The following FAM83D variants were observed in gnomAD, a reference collection of about 807,000 sequenced individuals.
The protein encoded by FAM83D is protein FAM83D.
FAM83D carries 26 observed loss-of-function variants against 25.4 expected under a neutral mutation model. The ratio of observed to expected loss-of-function variants is 1.02; its 90% confidence interval spans 0.75 to 1.42. FAM83D has a LOEUF of 1.42. FAM83D is among the 40% of genes most tolerant of loss of function. The pLI, the probability that FAM83D is intolerant of heterozygous loss-of-function variation, is 0.00. For missense variants in FAM83D, 740 were observed against 758.1 expected, an observed-to-expected ratio of 0.98 and a Z score of 0.28; for synonymous variants, 310 against 318.5, an observed-to-expected ratio of 0.97 and a Z score of 0.28.
At chr20:38,929,829 A>G (rs2085651794) in intron 1 of FAM83D, among the ~76,000 whole-genome samples, 1 of 151,660 alleles carries the variant, frequency 6.6e-6, no homozygotes, top group South Asian at 2.1e-4. Flanking sequence ...TCTGTTTGCC[A>G]GGCACTGTTC....
chr20:38,928,323 C>G (rs1038667234), intron 1 of FAM83D, among the ~76,000 whole-genome samples: 5 of 152,166 alleles, frequency 3.3e-5, no homozygotes, highest in Admixed American at 6.6e-5. Flanking sequence ...AATGTTCTTT[C>G]CCTGACTGGT....
At chr20:38,943,754 G>A (rs557401190) in intron 2 of FAM83D, among the ~76,000 whole-genome samples, 1 of 152,166 alleles carries the variant, frequency 6.6e-6, no homozygotes, top group African/African-American at 2.4e-5. Context: ...GCAGTGGCAC[G>A]ATCTCAGCTC....
intron 2 of FAM83D, 140 bp downstream of exon 2, chr20:38,942,266 A>T: frequency 1.1e-6 from 1 of 880,620 alleles, no homozygotes; most frequent in Non-Finnish European, 1.8e-6. Flanking sequence ...GCCTGGTCTT[A>T]CAGAAAACAA....
intron 1 of FAM83D, among the ~76,000 whole-genome samples, chr20:38,939,285 G>A (rs560096939): frequency 6.6e-6 from 1 of 152,294 alleles, no homozygotes; most frequent in East Asian, 1.9e-4. Flanking sequence ...TATCTGGTAA[G>A]CATTTGAGTA....
chr20:38,945,730 G>GC (rs1482152635), intron 2 of FAM83D, among the ~76,000 whole-genome samples: 321 of 99,876 alleles, frequency 3.2e-3, no homozygotes, highest in African/African-American at 5.6e-3. Context: ...GTCTTGACCT[G>GC]CCCCCACCCC....
At position 38,937,287 on chromosome 20, in the gene FAM83D, G is replaced by A. The variant is rs2085682964; in HGVS notation, c.484-4672G>A. 1.3e-5 allele frequency among the ~76,000 whole-genome samples: 2 copies of A among 152,232 alleles called. 1 individual carries two copies. The highest frequency in any genetic ancestry group is 4.1e-4 in the South Asian group (2 of 4,834). On this transcript the variant is annotated intron_variant, in intron 1 of 3. Coordinates refer to ENST00000619850, the MANE Select transcript of FAM83D (RefSeq NM_030919.3). ...CACAGACTGGGAGAGTGCCATGACT[G>A]TGGGCACTTGATGTGCAAGGGCTGC...
intron 2 of FAM83D, among the ~76,000 whole-genome samples, chr20:38,945,713 T>A: frequency 6.6e-6 from 1 of 151,182 alleles, no homozygotes; most frequent in East Asian, 1.9e-4. Flanking sequence ...TTTCTTTGTC[T>A]TTTAGGGTCT....
intron 1 of FAM83D, among the ~76,000 whole-genome samples, chr20:38,938,797 A>T (rs1192268208): frequency 1.3e-5 from 2 of 152,024 alleles, no homozygotes; most frequent in Non-Finnish European, 2.9e-5. Flanking sequence ...ATTTGTCTTC[A>T]TCTGGTCTCT....
At chr20:38,934,276 A>C (rs2085669570) in intron 1 of FAM83D, among the ~76,000 whole-genome samples, 5 of 152,096 alleles carry the variant, frequency 3.3e-5, no homozygotes, top group African/African-American at 1.2e-4. Context: ...AGCAAGCAAA[A>C]CCCAAAAATG....
rs769568783 is a variant in FAM83D, at chr20:38,929,614, T to TAA, written c.483+2704_483+2705dup. Among the ~76,000 whole-genome samples the TAA allele has an allele frequency of 3.7e-5, 5 of 134,452 alleles. No individual in the cohort carries two copies. The East Asian group carries it at 6.3e-4, about 17-fold the overall frequency. 88.2% of individuals were successfully genotyped at this position (134,452 alleles called of 152,430 possible). On this transcript the variant is annotated intron_variant, in intron 1 of 3. Coordinates refer to ENST00000619850, the MANE Select transcript of FAM83D (RefSeq NM_030919.3). ...GGTCCCAAAGACAATCTCTTTTGTT[T>TAA]AAAAAAAAAAAAAAAAGCCAGGCCA...
intron 2 of FAM83D, among the ~76,000 whole-genome samples, chr20:38,947,664 T>C (rs757399764): frequency 6.6e-6 from 1 of 152,200 alleles, no homozygotes; most frequent in Non-Finnish European, 1.5e-5. Context: ...GATGAGAAGA[T>C]GGACCAAATG....
At position 38,926,517 on chromosome 20, in the gene FAM83D, C is replaced by A. The variant is rs973113180; in HGVS notation, c.75C>A (p.Thr25=). Residue 25 remains threonine (T), a synonymous_variant, in exon 1 of 4, where the codon ACC becomes ACA. Transcript: ENST00000619850. ...CLSPCGPPNP[T]ELFSESRRLA... Reference sequence around the variant, plus strand: ...CGCCGTGCGGGCCGCCCAACCCGACCGAGCTGTTCAGCGAGTCACGGCGCC... The same window carrying A: ...CGCCGTGCGGGCCGCCCAACCCGACAGAGCTGTTCAGCGAGTCACGGCGCC... The A allele has an allele frequency of 5.6e-6, 9 of 1,594,378 alleles. No individual in the cohort carries two copies. The highest frequency in any genetic ancestry group is 1.3e-5 in the African/African-American group (1 of 74,814).
intron 2 of FAM83D, among the ~76,000 whole-genome samples, chr20:38,943,391 C>T (rs113693322): frequency 3.4e-4 from 52 of 152,274 alleles, no homozygotes; most frequent in African/African-American, 1.2e-3. Context: ...GTAAGTGGCA[C>T]CTGTGTTTTA....
intron 1 of FAM83D, among the ~76,000 whole-genome samples, chr20:38,931,992 TGG>T (rs1424573812): frequency 1.3e-5 from 2 of 152,222 alleles, no homozygotes; most frequent in Non-Finnish European, 2.9e-5. Context: ...TGGCTGTGCC[TGG>T]GGTTTGTGAA....
intron 1 of FAM83D, 123 bp downstream of exon 1, chr20:38,927,048 G>C: frequency 7.3e-7 from 1 of 1,378,424 alleles, no homozygotes; most frequent in South Asian, 1.7e-5. Flanking sequence ...AAGCGCGCGC[G>C]GGCTAGGTGG....
In FAM83D at chr20:38,941,956, T is replaced by C. The variant is rs1264860560; in HGVS notation, c.484-3T>C. The C allele has an allele frequency of 6.2e-7, 1 of 1,613,684 alleles. No individual in the cohort carries two copies. On this transcript the variant is annotated splice_polypyrimidine_tract_variant and splice_region_variant and intron_variant, in intron 1 of 3. Transcript: ENST00000619850. ...CATGTGCTCTTCCCTGTTTCACCTG[T>C]AGGTGATTGCAGTGGTCATGGACGT...
At chr20:38,940,033 G>T (rs2085694982) in intron 1 of FAM83D, among the ~76,000 whole-genome samples, 1 of 152,210 alleles carries the variant, frequency 6.6e-6, no homozygotes, top group South Asian at 2.1e-4. Flanking sequence ...AATTCCTGTT[G>T]TATGACCCGA....
intron 3 of FAM83D, among the ~76,000 whole-genome samples, chr20:38,951,226 G>A (rs1420065742): frequency 2.0e-5 from 3 of 152,274 alleles, no homozygotes; most frequent in South Asian, 2.1e-4. Context: ...TGCCTGAGCC[G>A]AGGAGTTCAA....
chr20:38,928,020 G>C (rs2085643809), intron 1 of FAM83D, among the ~76,000 whole-genome samples: 1 of 152,214 alleles, frequency 6.6e-6, no homozygotes, highest in Non-Finnish European at 1.5e-5. Flanking sequence ...TGCCAGCCTC[G>C]ATAAAGCTGC....
Sources: gnomAD v4.1 joint callset for allele counts (sites outside exome capture counted in the v4.1 genomes callset) on GRCh38, gnomAD v4.1.1 for gene constraint, MANE v1.5 for transcripts, NCBI Gene and HGNC (gene_info 2026-07-23, HGNC 2026-07-21) for gene names.